KCNT1: variants seen among roughly 807,000 people sequenced by gnomAD.
KCNT1 encodes the protein potassium channel subfamily T member 1.
Under a neutral mutation model 147.8 loss-of-function variants are expected in KCNT1, and 78 were observed. That is an observed-to-expected ratio of 0.53 (90% CI 0.44 to 0.64). KCNT1 has a LOEUF of 0.64. Ranked by LOEUF, KCNT1 falls within the 30% of genes least tolerant of loss-of-function variation. The probability of loss-of-function intolerance (pLI) is 0.00; values close to 1 mark genes in which losing one functional copy is unlikely to be tolerated. For missense variants in KCNT1, 1,419 were observed against 1,750.3 expected, an observed-to-expected ratio of 0.81 and a Z score of 3.38; for synonymous variants, 867 against 748.8, an observed-to-expected ratio of 1.16 and a Z score of -2.58.
In KCNT1 at chr9:135,702,313, G is replaced by C; in HGVS notation, c.55G>C (p.Gly19Arg). 6.2e-7 allele frequency: 1 copy of C among 1,610,786 alleles called. No individual in the cohort carries two copies. The highest frequency in any genetic ancestry group is 1.3e-5 in the African/African-American group (1 of 74,862). Residue 19 changes from glycine to arginine, a missense_variant, in exon 1 of 31, where the codon GGC (glycine) becomes CGC (arginine). Coordinates refer to ENST00000371757, the MANE Select transcript of KCNT1 (RefSeq NM_020822.3). ...GGGGGGCGTCTGCCGGGAGGCGCGC[G>C]GCGGGGGCTACACCAACCGGACCTT... ...TPGGVCREAR[G>R]GGYTNRTFEF...
In KCNT1 at chr9:135,765,683, G is replaced by A. The variant is rs771897185; in HGVS notation, c.1260G>A (p.Leu420=). The part of the protein sequence containing the change: ...TEMDVQVRRV[L]QIPLWSQRVI... ...TGGATGTCCAGGTGCGCAGAGTCCT[G>A]CAGATCCCTCTGTGGTCCCAGCGGG... The change falls in exon 13 of 31, where the codon CTG becomes CTA. Residue 420 remains leucine, a synonymous_variant. Transcript: ENST00000371757. The A allele has an allele frequency of 6.2e-7, 1 of 1,610,924 alleles. No homozygotes were observed. Among genetic ancestry groups the A allele is most frequent in the Non-Finnish European group, 8.5e-7 (1 of 1,179,006 alleles).
intron 13 of KCNT1, among the ~76,000 whole-genome samples, chr9:135,766,466 G>A (rs541488783): frequency 6.0e-5 from 9 of 151,060 alleles, no homozygotes; most frequent in East Asian, 2.0e-4. Context: ...CATCAGGGGC[G>A]GACCGTCTGG....
intron 1 of KCNT1, among the ~76,000 whole-genome samples, chr9:135,713,203 C>T (rs752798455): frequency 6.6e-5 from 10 of 152,264 alleles, no homozygotes; most frequent in South Asian, 2.1e-4. Context: ...AATAGAGCCC[C>T]GACCCCTGGC....
intron 1 of KCNT1, among the ~76,000 whole-genome samples, chr9:135,703,772 G>A (rs187401679): frequency 4.5e-4 from 69 of 152,302 alleles, no homozygotes; most frequent in South Asian, 8.3e-4. Flanking sequence ...TGCTCCAGAC[G>A]AGCCGGCAGG....
intron 29 of KCNT1, among the ~76,000 whole-genome samples, chr9:135,786,757 C>T (rs1472186230): frequency 6.6e-6 from 1 of 152,244 alleles, no homozygotes; most frequent in African/African-American, 2.4e-5. Context: ...CATGGCCCAC[C>T]CTGGTGCTGG....
rs1258682192 is a variant in KCNT1 at position 135,775,298 on chromosome 9, C to T, written c.2244-12C>T. The T allele has an allele frequency of 6.3e-7, 1 of 1,598,396 alleles. No individual in the cohort carries two copies. Among genetic ancestry groups the T allele is most frequent in the African/African-American group, 1.3e-5 (1 of 74,688 alleles). ...GTGCAGCTGTGCTGAGGGCTCCTGTCTCCTGCCCCAGGTATGTGAAGGGCT... is the reference window on the plus strand; with the variant it reads ...GTGCAGCTGTGCTGAGGGCTCCTGTTTCCTGCCCCAGGTATGTGAAGGGCT... On this transcript the variant is annotated splice_polypyrimidine_tract_variant and intron_variant, in intron 19 of 30. Transcript: ENST00000371757.
rs549887030 is a variant in KCNT1 at position 135,751,092 on chromosome 9, C to G, written c.434+51C>G. On this transcript the variant is annotated intron_variant, in intron 4 of 30. Transcript: ENST00000371757. ...GGGGTCCCGGGTCCCAGGGCTGAGC[C>G]TTCCCACTGGGCCGTTACAGAAGCT... 20 of 1,528,602 alleles carry G rather than the reference C, an allele frequency of 1.3e-5. No individual in the cohort carries two copies. The African/African-American group carries it at 2.3e-4, about 18-fold the overall frequency. The allele number at this position is 1,528,602 out of a possible 1,614,324, so 94.7% of individuals were successfully genotyped here.
chr9:135,720,568 C>A (rs938630691), intron 2 of KCNT1, among the ~76,000 whole-genome samples: 8 of 152,076 alleles, frequency 5.3e-5, no homozygotes, highest in African/African-American at 1.9e-4. Context: ...ACCAGCCTGG[C>A]CCCTGCTGAA....
intron 7 of KCNT1, 60 bp downstream of exon 7, chr9:135,756,992 GCCTCCCCCA>G (rs1222224929): frequency 1.5e-4 from 109 of 722,444 alleles, no homozygotes; most frequent in Non-Finnish European, 1.9e-4. Flanking sequence ...ACCCTCCCCA[GCCTCCCCCA>G]CCTCCCCCAC....
At chr9:135,717,686 G>A (rs940962102) in intron 2 of KCNT1, among the ~76,000 whole-genome samples, 15 of 152,208 alleles carry the variant, frequency 9.9e-5, no homozygotes, top group Admixed American at 9.2e-4. Flanking sequence ...AAATTGCCTC[G>A]ACTGGATGTA....
chr9:135,778,010 G>A (rs1833307552), intron 21 of KCNT1, among the ~76,000 whole-genome samples: 1 of 115,188 alleles, frequency 8.7e-6, no homozygotes, highest in Admixed American at 8.4e-5. Flanking sequence ...GTGGCTCCCA[G>A]CTCCTCCCAC....
chr9:135,733,622 A>G (rs1249528468), intron 2 of KCNT1, among the ~76,000 whole-genome samples: 1 of 107,050 alleles, frequency 9.3e-6, no homozygotes, highest in African/African-American at 3.7e-5. Context: ...CTGCCCTCAC[A>G]TCTGTAAATG....
intron 15 of KCNT1, 84 bp from the exon 16 acceptor site, chr9:135,769,863 C>T (rs893217580): frequency 3.1e-6 from 3 of 983,564 alleles, no homozygotes; most frequent in Admixed American, 2.1e-5. Context: ...ATCTGCATAG[C>T]ACCTTCAGGA....
In KCNT1 at chr9:135,757,005, C is replaced by CTCCCATCTCCCCCACCCTCTCCCATCT. The variant is rs368839598; in HGVS notation, c.600+73_600+74insTCCCATCTCCCCCACCCTCTCCCATCT. The CTCCCATCTCCCCCACCCTCTCCCATCT allele has an allele frequency of 3.6e-6, 3 of 831,806 alleles. No homozygotes were observed. In the African/African-American group the frequency reaches 7.3e-5, roughly 20 times the overall value. 51.5% of individuals were successfully genotyped at this position (831,806 alleles called of 1,614,324 possible). ...CCACCCTCCCCAGCCTCCCCCACCT[C>CTCCCATCTCCCCCACCCTCTCCCATCT]CCCCACCCTCTCCTATTTCCCCACA... On this transcript the variant is annotated intron_variant, in intron 7 of 30. Coordinates refer to ENST00000371757, the MANE Select transcript of KCNT1 (RefSeq NM_020822.3).
intron 27 of KCNT1, among the ~76,000 whole-genome samples, 174 bp from the exon 28 acceptor site, chr9:135,785,136 G>A (rs1212730745): frequency 6.6e-6 from 1 of 152,226 alleles, no homozygotes; most frequent in Non-Finnish European, 1.5e-5. Flanking sequence ...CGGGGGCAGA[G>A]AGGCTCAGGG....
At chr9:135,769,231 G>C (rs1470845581) in intron 15 of KCNT1, among the ~76,000 whole-genome samples, 1 of 137,620 alleles carries the variant, frequency 7.3e-6, no homozygotes, top group Non-Finnish European at 1.5e-5. Flanking sequence ...ACGTGTGCAC[G>C]TGTGTGTCGG....
chr9:135,729,532 A>G (rs1426650796), intron 2 of KCNT1, among the ~76,000 whole-genome samples: 2 of 152,290 alleles, frequency 1.3e-5, no homozygotes, highest in South Asian at 4.1e-4. Context: ...CTGTGCGCAG[A>G]CTTCTACCCT....
intron 15 of KCNT1, among the ~76,000 whole-genome samples, chr9:135,769,285 G>A (rs930707763): frequency 8.0e-5 from 12 of 150,650 alleles, no homozygotes; most frequent in African/African-American, 2.2e-4. Context: ...GGGTGATGGT[G>A]CGTCTGGGGC....
chr9:135,764,668 G>A (rs1022781434), intron 11 of KCNT1, among the ~76,000 whole-genome samples: 1 of 152,138 alleles, frequency 6.6e-6, no homozygotes, highest in Non-Finnish European at 1.5e-5. Context: ...AGTGAGGCCT[G>A]CGAGTGCCTG....
Sources: allele counts gnomAD v4.1 joint callset (sites outside exome capture counted in the v4.1 genomes callset), GRCh38; gene constraint gnomAD v4.1.1; transcripts MANE v1.5; gene names NCBI Gene and HGNC (gene_info 2026-07-23, HGNC 2026-07-21).